TBC1D22A: variants seen among roughly 807,000 people sequenced by gnomAD.
The protein encoded by TBC1D22A is putative GTPase activator.
A neutral mutation model predicts 60.2 loss-of-function variants in TBC1D22A; 38 were observed. The observed-to-expected ratio is 0.63, with a 90% CI of 0.49 to 0.83. The LOEUF is 0.83. Ranked by LOEUF, TBC1D22A falls within the 40% of genes least tolerant of loss-of-function variation. TBC1D22A has a pLI of 0.00. For missense variants in TBC1D22A, 628 were observed against 701.0 expected (o/e 0.90, Z 1.18); for synonymous variants, 302 against 281.7 (o/e 1.07, Z -0.72).
chr22:47,169,611 C>T (rs1160605539), intron 12 of TBC1D22A, among the ~76,000 whole-genome samples: 1 of 152,190 alleles, frequency 6.6e-6, no homozygotes, highest in African/African-American at 2.4e-5. Context: ...TCGGTGTCCA[C>T]TGGAAGGATT....
At chr22:46,896,658 G>A (rs1055188270) in intron 7 of TBC1D22A, among the ~76,000 whole-genome samples, 1 of 152,138 alleles carries the variant, frequency 6.6e-6, no homozygotes, top group Admixed American at 6.5e-5. Flanking sequence ...TCTGTGTTGT[G>A]TTGTGTTGTT....
intron 12 of TBC1D22A, among the ~76,000 whole-genome samples, chr22:47,143,860 C>T (rs913812485): frequency 2.6e-5 from 4 of 152,218 alleles, no homozygotes; most frequent in African/African-American, 4.8e-5. Flanking sequence ...TACAGCCCTC[C>T]GCTTCTCCTG....
intron 4 of TBC1D22A, among the ~76,000 whole-genome samples, chr22:46,873,636 A>G (rs1602254510): frequency 1.3e-5 from 2 of 152,120 alleles, no homozygotes. Flanking sequence ...CCCAGGATCC[A>G]TTAGTTACTT....
chr22:46,764,763 G>A (rs1384117455), intron 1 of TBC1D22A, among the ~76,000 whole-genome samples: 1 of 152,172 alleles, frequency 6.6e-6, no homozygotes, highest in Admixed American at 6.5e-5. Context: ...ACAGAGATTG[G>A]AATAGTACAT....
In TBC1D22A at chr22:46,977,973, C is replaced by A. The variant is rs146712372; in HGVS notation, c.1125+3574C>A. On this transcript the variant is annotated intron_variant, in intron 9 of 12. Transcript: ENST00000337137. ...GGGACACAGATCCAAACCGTATTAG[C>A]GGTATTGACCAAAGATTGTTTAACA... 1.4e-4 allele frequency among the ~76,000 whole-genome samples: 21 copies of A among 152,362 alleles called. No individual in the cohort carries two copies. In the East Asian group the frequency reaches 3.7e-3, roughly 27 times the overall value.
intron 12 of TBC1D22A, among the ~76,000 whole-genome samples, chr22:47,149,346 A>T (rs944728628): frequency 1.3e-5 from 2 of 152,234 alleles, no homozygotes; most frequent in Non-Finnish European, 2.9e-5. Context: ...ATGGCTTTCA[A>T]AACCTTCTAA....
At chr22:46,825,834 A>T (rs2086030762) in intron 4 of TBC1D22A, among the ~76,000 whole-genome samples, 1 of 151,454 alleles carries the variant, frequency 6.6e-6, no homozygotes. Context: ...ATATGAAAAA[A>T]CGTTTTTCAA....
At chr22:46,885,666 T>G (rs1201568143) in intron 5 of TBC1D22A, among the ~76,000 whole-genome samples, 1 of 152,158 alleles carries the variant, frequency 6.6e-6, no homozygotes, top group Non-Finnish European at 1.5e-5. Flanking sequence ...CTTGTTTCAC[T>G]CAGGTCTGGC....
chr22:47,007,276 C>G (rs2061624147), intron 10 of TBC1D22A, among the ~76,000 whole-genome samples: 5 of 152,174 alleles, frequency 3.3e-5, no homozygotes, highest in Non-Finnish European at 7.3e-5. Context: ...GCTCGCTGTG[C>G]CTAGGGCACT....
intron 10 of TBC1D22A, among the ~76,000 whole-genome samples, chr22:47,003,650 C>T (rs1458651049): frequency 7.5e-6 from 1 of 132,940 alleles, no homozygotes; most frequent in Admixed American, 7.7e-5. Context: ...CCTACAGATG[C>T]ACCCCTGTAT....
At chr22:46,880,237 C>T (rs965684894) in intron 5 of TBC1D22A, among the ~76,000 whole-genome samples, 15 of 152,254 alleles carry the variant, frequency 9.9e-5, no homozygotes, top group South Asian at 2.1e-4. Flanking sequence ...TAAGAAGTGG[C>T]GAGGGAGCTT....
At chr22:47,048,828 G>T (rs1478068443) in intron 11 of TBC1D22A, among the ~76,000 whole-genome samples, 4 of 152,198 alleles carry the variant, frequency 2.6e-5, no homozygotes, top group Non-Finnish European at 1.5e-5. Flanking sequence ...GAGGGGCCCT[G>T]CACGGGACCC....
In TBC1D22A at chr22:46,814,654, A is replaced by AT. The variant is rs559610482; in HGVS notation, c.637+17044dup. Among the ~76,000 whole-genome samples the AT allele has an allele frequency of 6.7e-4, 100 of 149,032 alleles. No individual in the cohort carries two copies. The East Asian group carries it at 9.8e-3, about 15-fold the overall frequency. On this transcript the variant is annotated intron_variant, in intron 4 of 12. Coordinates refer to ENST00000337137, the MANE Select transcript of TBC1D22A (RefSeq NM_014346.5). ...TCTTCTTATATTTATTTTATTTTTA[A>AT]TTTTTTTTTTGAGATGGAGTCTCAC...
chr22:47,103,812 A>C (rs2065511436), intron 11 of TBC1D22A, among the ~76,000 whole-genome samples: 1 of 152,048 alleles, frequency 6.6e-6, no homozygotes, highest in Non-Finnish European at 1.5e-5. Flanking sequence ...GGGTCTGGAG[A>C]GTCAGGCCCT....
At chr22:46,944,293 T>C (rs2072370518) in intron 8 of TBC1D22A, among the ~76,000 whole-genome samples, 1 of 152,332 alleles carries the variant, frequency 6.6e-6, no homozygotes, top group Admixed American at 6.5e-5. Flanking sequence ...TACTAATGTG[T>C]TTATTTTTGT....
intron 10 of TBC1D22A, among the ~76,000 whole-genome samples, chr22:47,004,663 T>TAC (rs1009864533): frequency 6.9e-6 from 1 of 145,864 alleles, no homozygotes; most frequent in East Asian, 2.0e-4. Context: ...GATGCCTATA[T>TAC]ACACACACAC....
chr22:46,815,940 C>T (rs1449355317), intron 4 of TBC1D22A, among the ~76,000 whole-genome samples: 1 of 152,088 alleles, frequency 6.6e-6, no homozygotes, highest in Admixed American at 6.5e-5. Flanking sequence ...GGTATACCTG[C>T]GTGCGCCATG....
At chr22:46,958,301 C>T (rs1478160862) in intron 8 of TBC1D22A, among the ~76,000 whole-genome samples, 2 of 152,174 alleles carry the variant, frequency 1.3e-5, no homozygotes. Flanking sequence ...AAGCTGGCTG[C>T]CTGTTCTGAG....
intron 8 of TBC1D22A, among the ~76,000 whole-genome samples, chr22:46,965,308 C>T (rs1002851730): frequency 6.6e-6 from 1 of 152,202 alleles, no homozygotes; most frequent in South Asian, 2.1e-4. Flanking sequence ...GGCGGGGTGC[C>T]CCGCCCATTC....
Sources: allele counts gnomAD v4.1 joint callset (sites outside exome capture counted in the v4.1 genomes callset), GRCh38; gene constraint gnomAD v4.1.1; transcripts MANE v1.5; gene names NCBI Gene and HGNC (gene_info 2026-07-23, HGNC 2026-07-21).